The following ADCY10 variants were observed in gnomAD, a reference collection of about 807,000 sequenced individuals.
The protein encoded by ADCY10 is adenylate cyclase 10, also known as adenylate cyclase type 10.
A neutral mutation model predicts 183.3 loss-of-function variants in ADCY10; 156 were observed. The ratio of observed to expected loss-of-function variants is 0.85; its 90% CI spans 0.75 to 0.97. The LOEUF (loss-of-function observed/expected upper bound fraction) is 0.97, where lower values mean the gene tolerates loss of function less well. Among genes scored for constraint, ADCY10 ranks in the 50% least tolerant of loss-of-function variants. The pLI is 0.00. For missense variants in ADCY10, 1,745 were observed against 1,934.3 expected (o/e 0.90, Z 1.84); for synonymous variants, 645 against 670.0 (o/e 0.96, Z 0.58).
At chr1:167,854,319 C>T (rs149033037) in intron 18 of ADCY10, 34 bp downstream of exon 18, 212 of 1,613,832 alleles carry the variant, frequency 1.3e-4, no homozygotes, top group Middle Eastern at 3.3e-4. Context: ...TTAGGCAGAA[C>T]AGAGTAAGAA....
At chr1:167,835,524 T>C (rs12090771) in intron 23 of ADCY10, among the ~76,000 whole-genome samples, 10,705 of 152,284 alleles carry the variant, frequency 0.07, 479 homozygotes, top group South Asian at 0.14. Flanking sequence ...GGTCTAATGG[T>C]ATGTGTAATA....
chr1:167,904,924 C>T (rs772962169), intron 2 of ADCY10, 69 bp downstream of exon 2: 1 of 1,609,640 alleles, frequency 6.2e-7, no homozygotes. Context: ...TGCAATCAAG[C>T]TCTGCATGTG....
intron 30 of ADCY10, 49 bp from the exon 31 acceptor site, chr1:167,818,316 T>C: frequency 6.5e-7 from 1 of 1,537,720 alleles, no homozygotes; most frequent in Middle Eastern, 1.7e-4. Context: ...CCATTAGGAA[T>C]AGGCTGGCTT....
At chr1:167,888,875 CAAAAA>C (rs748603972) in intron 8 of ADCY10, among the ~76,000 whole-genome samples, 1 of 94,184 alleles carries the variant, frequency 1.1e-5, no homozygotes. Flanking sequence ...GACTCCGTCT[CAAAAA>C]AAAAAAAAAA....
At chr1:167,878,106 T>C (rs1013345553) in intron 12 of ADCY10, among the ~76,000 whole-genome samples, 2 of 152,198 alleles carry the variant, frequency 1.3e-5, no homozygotes, top group African/African-American at 4.8e-5. Context: ...CGGCATACAG[T>C]TGACATAATT....
At chr1:167,837,358 G>A in intron 21 of ADCY10, 40 bp from the exon 22 acceptor site, 5 of 1,511,936 alleles carry the variant, frequency 3.3e-6, no homozygotes, top group Non-Finnish European at 4.6e-6. Context: ...TCATTGAAAT[G>A]TTCTCTGCAG....
chr1:167,856,531 C>T (rs1284545218), intron 16 of ADCY10, 92 bp from the exon 17 acceptor site: 1 of 1,335,068 alleles, frequency 7.5e-7, no homozygotes, highest in Non-Finnish European at 1.1e-6. Context: ...CATTGAGCTT[C>T]CTGGTTTGCT....
intron 12 of ADCY10, among the ~76,000 whole-genome samples, chr1:167,877,389 C>T (rs1475869655): frequency 6.6e-6 from 1 of 151,654 alleles, no homozygotes; most frequent in African/African-American, 2.4e-5. Flanking sequence ...TGCTAAGCCT[C>T]AGGAATACTG....
At chr1:167,874,575 C>CAAAATTGCACT (rs1667323609) in intron 13 of ADCY10, among the ~76,000 whole-genome samples, 2 of 85,866 alleles carry the variant, frequency 2.3e-5, no homozygotes, top group East Asian at 5.4e-4. Flanking sequence ...TATTTGGCAC[C>CAAAATTGCACT]CTTTGTCCCA....
chr1:167,905,222 G>A (rs1186113968), intron 1 of ADCY10, 24 bp from the exon 2 acceptor site: 1 of 1,453,418 alleles, frequency 6.9e-7, no homozygotes, highest in African/African-American at 1.4e-5. Flanking sequence ...TGAAATAGAG[G>A]AAATCTGATA....
In ADCY10 at chr1:167,822,038, G is replaced by C. The variant is rs1662943377; in HGVS notation, c.4272C>G (p.Ser1424=). 12 of 1,582,680 alleles carry C rather than the reference G, an allele frequency of 7.6e-6. No homozygotes were observed. The highest frequency in any genetic ancestry group is 1.0e-5 in the Non-Finnish European group (12 of 1,151,390). ...CACATTGTTACCAGATAGCTACAGA[G>C]GAATAAAGTCCCAGGAGGAGTCCAC... ...FHSGLLLGLY[S]SVAIWYARLQ... is the part of the protein sequence containing the mutation. Residue 1424 remains serine, a synonymous_variant, in exon 30 of 33, where the codon TCC becomes TCG. Coordinates refer to ENST00000367851, the MANE Select transcript of ADCY10 (RefSeq NM_018417.6).
rs144484811 is a variant in ADCY10 at position 167,856,392 on chromosome 1, A to G, written c.1944T>C (p.Phe648=). The change falls in exon 17 of 33, where the codon TTT becomes TTC. Residue 648 remains phenylalanine, a synonymous_variant. Coordinates refer to ENST00000367851, the MANE Select transcript of ADCY10 (RefSeq NM_018417.6). The stretch of plus-strand genomic sequence containing the variant: ...TAAATCTCCAGGAGGTCGAATCCAC[A>G]AACTGGGCCTCATCAATGATAAAAA... ...RIIFIIDEAQ[F]VDSTSWRFME... The G allele has an allele frequency of 6.2e-6, 10 of 1,614,200 alleles. No homozygotes were observed. The highest frequency in any genetic ancestry group is 8.5e-6 in the Non-Finnish European group (10 of 1,180,040).
intron 18 of ADCY10, 100 bp from the exon 19 acceptor site, chr1:167,848,589 T>TGG: frequency 7.9e-7 from 1 of 1,258,988 alleles, no homozygotes; most frequent in Non-Finnish European, 1.2e-6. Context: ...TGAGGAAGAC[T>TGG]GGGCAGAGAT....
chr1:167,819,562 A>AT (rs146743092), intron 30 of ADCY10, among the ~76,000 whole-genome samples: 29,893 of 145,766 alleles, frequency 0.21, 3,571 homozygotes, highest in Admixed American at 0.27. Context: ...TTTATTTTTT[A>AT]TTTTTTTTTA....
chr1:167,881,084 T>G (rs574880251), intron 9 of ADCY10, among the ~76,000 whole-genome samples: 3 of 152,370 alleles, frequency 2.0e-5, no homozygotes, highest in Admixed American at 2.0e-4. Context: ...CCTGCTGAGA[T>G]GTTTTTGGCT....
At chr1:167,825,272 A>T (rs1571226483) in intron 26 of ADCY10, among the ~76,000 whole-genome samples, 1 of 151,582 alleles carries the variant, frequency 6.6e-6, no homozygotes, top group East Asian at 1.9e-4. Flanking sequence ...AGCATGTATA[A>T]TTTTTGTAAT....
intron 5 of ADCY10, among the ~76,000 whole-genome samples, 177 bp from the exon 6 acceptor site, chr1:167,899,805 G>A (rs565622273): frequency 6.6e-6 from 1 of 152,268 alleles, no homozygotes; most frequent in African/African-American, 2.4e-5. Flanking sequence ...GCCTTCCAAA[G>A]CTCCCCTTCT....
rs753708985 is a variant in ADCY10 at position 167,818,161 on chromosome 1, T to C, written c.4393A>G (p.Arg1465Gly). The change falls in exon 31 of 33, where the codon AGG (arginine) becomes GGG (glycine). Residue 1465 changes from arginine to glycine, a missense_variant. Arg to Gly is a moderately radical substitution (Grantham distance 125). Coordinates refer to ENST00000367851, the MANE Select transcript of ADCY10 (RefSeq NM_018417.6). Reference protein sequence around the residue: ...MTLTYYDGISRYMEGQVLHLQ... With the variant: ...MTLTYYDGISGYMEGQVLHLQ... ...TGAAGAACTTGCCCCTCCATGTACC[T>C]AGATATTCCGTCATAGTAAGTAAGT... The C allele has an allele frequency of 6.2e-7, 1 of 1,614,242 alleles. No homozygotes were observed. Among genetic ancestry groups the C allele is most frequent in the Non-Finnish European group, 8.5e-7 (1 of 1,180,028 alleles).
At chr1:167,834,910 C>T (rs1184377622) in intron 23 of ADCY10, among the ~76,000 whole-genome samples, 2 of 152,222 alleles carry the variant, frequency 1.3e-5, no homozygotes, top group African/African-American at 4.8e-5. Flanking sequence ...AAGCCTCCTC[C>T]TCCTGGGACT....
Sources: allele counts gnomAD v4.1 joint callset (sites outside exome capture counted in the v4.1 genomes callset), GRCh38; gene constraint gnomAD v4.1.1; transcripts MANE v1.5; gene names NCBI Gene and HGNC (gene_info 2026-07-23, HGNC 2026-07-21).